Variants in TRAPPC8 observed in about 807,000 individuals in gnomAD.
TRAPPC8 encodes general sporulation gene 1 homolog.
A neutral mutation model predicts 174.3 loss-of-function variants in TRAPPC8; 54 were observed. That is an observed-to-expected ratio of 0.31 (90% confidence interval 0.25 to 0.39). The LOEUF (loss-of-function observed/expected upper bound fraction) is 0.39, where lower values mean the gene tolerates loss of function less well. TRAPPC8 is among the 10% of genes least tolerant of loss of function. The probability of loss-of-function intolerance (pLI) is 1.00; values close to 1 mark genes in which losing one functional copy is unlikely to be tolerated. For synonymous variants in TRAPPC8, 630 were observed against 579.9 expected, an observed-to-expected ratio of 1.09 and a Z score of -1.24; for missense variants, 1,531 against 1,699.1, an observed-to-expected ratio of 0.90 and a Z score of 1.74.
chr18:31,877,952 T>A (rs527950653), intron 12 of TRAPPC8, among the ~76,000 whole-genome samples: 1 of 146,986 alleles, frequency 6.8e-6, no homozygotes, highest in Admixed American at 6.8e-5. Flanking sequence ...AGTGACCCCA[T>A]GCCAACTGGG....
At chr18:31,936,731 G>A (rs554906176) in intron 1 of TRAPPC8, among the ~76,000 whole-genome samples, 3 of 151,382 alleles carry the variant, frequency 2.0e-5, no homozygotes, top group African/African-American at 7.3e-5. Flanking sequence ...GCAAAACCCT[G>A]TCTCTACTAA....
intron 24 of TRAPPC8, 40 bp from the exon 25 acceptor site, chr18:31,849,779 ATTATG>A: frequency 6.6e-7 from 1 of 1,517,898 alleles, no homozygotes; most frequent in Non-Finnish European, 8.8e-7. Flanking sequence ...AATGCTTTTA[ATTATG>A]TTGTCAAAAT....
At chr18:31,912,927 A>C (rs1237320366) in intron 5 of TRAPPC8, among the ~76,000 whole-genome samples, 2 of 152,158 alleles carry the variant, frequency 1.3e-5, no homozygotes, top group African/African-American at 4.8e-5. Flanking sequence ...CAGGAGTTCA[A>C]GACTAGCCTG....
chr18:31,930,313 T>C (rs767009351), intron 2 of TRAPPC8, among the ~76,000 whole-genome samples: 16 of 151,912 alleles, frequency 1.1e-4, no homozygotes, highest in Non-Finnish European at 2.1e-4. Flanking sequence ...AGAGACGGGG[T>C]TTCACTATGT....
chr18:31,859,410 A>T (rs2034207356), intron 19 of TRAPPC8, among the ~76,000 whole-genome samples: 1 of 152,224 alleles, frequency 6.6e-6, no homozygotes, highest in Non-Finnish European at 1.5e-5. Flanking sequence ...AATAAGCTAG[A>T]CATAGCATTA....
At chr18:31,856,021 C>CT (rs1001228113) in intron 20 of TRAPPC8, among the ~76,000 whole-genome samples, 1 of 152,154 alleles carries the variant, frequency 6.6e-6, no homozygotes, top group Non-Finnish European at 1.5e-5. Context: ...GTCTCCCTGT[C>CT]TAAGTTTTTG....
At chr18:31,916,499 T>C (rs998724915) in intron 3 of TRAPPC8, 53 bp from the exon 4 acceptor site, 48 of 1,505,416 alleles carry the variant, frequency 3.2e-5, no homozygotes, top group South Asian at 5.3e-5. Context: ...ATGATAAATA[T>C]TGTCCTACTG....
At chr18:31,855,137 G>C (rs1330560236) in intron 21 of TRAPPC8, among the ~76,000 whole-genome samples, 1 of 152,056 alleles carries the variant, frequency 6.6e-6, no homozygotes, top group Non-Finnish European at 1.5e-5. Flanking sequence ...AGGAGGTGGA[G>C]GTTACAGTGA....
At chr18:31,904,008 G>A (rs1461723205) in intron 9 of TRAPPC8, among the ~76,000 whole-genome samples, 1 of 152,214 alleles carries the variant, frequency 6.6e-6, no homozygotes, top group Non-Finnish European at 1.5e-5. Context: ...GGCCAAGGCA[G>A]GGAGAATGCT....
At position 31,910,243 on chromosome 18, in the gene TRAPPC8, C is replaced by G. The variant is rs142909168; in HGVS notation, c.772-483G>C. ...TGTTTTAGAAAAATATCTAACGCAA[C>G]GTTTATTTGTGCAAAGGAACTGGTT... is the stretch of plus-strand genomic sequence containing the variant. On this transcript the variant is annotated intron_variant, in intron 5 of 28. Transcript: ENST00000283351. Among the ~76,000 whole-genome samples the G allele has an allele frequency of 7.3e-4, 111 of 152,068 alleles. 2 individuals carry two copies. The highest frequency in any genetic ancestry group is 3.4e-3 in the Middle Eastern group (1 of 294).
chr18:31,842,090 C>G (rs2033132797), intron 26 of TRAPPC8, among the ~76,000 whole-genome samples: 1 of 152,180 alleles, frequency 6.6e-6, no homozygotes. Context: ...AAATACAAGA[C>G]TAGTATACCC....
Position 31,874,666 on chromosome 18 carries a change from T to C in TRAPPC8, c.1767A>G (p.Gln589=), listed in dbSNP as rs538289737. The part of the protein sequence containing the change: ...HALRCYCQAM[Q]VYKGKGWSLA... ...GAGACCAGCCTTTTCCTTTGTAAAC[T>C]TGCATGGCTTGACAATAACAGCGTA... The change falls in exon 13 of 29, where the codon CAA becomes CAG. Residue 589 remains glutamine, a synonymous_variant. Transcript: ENST00000283351. 1.5e-5 allele frequency: 24 copies of C among 1,614,032 alleles called. No individual in the cohort carries two copies. The highest frequency in any genetic ancestry group is 1.9e-5 in the Non-Finnish European group (23 of 1,179,992).
At chr18:31,884,609 CT>C (rs926520324) in intron 12 of TRAPPC8, among the ~76,000 whole-genome samples, 2 of 152,018 alleles carry the variant, frequency 1.3e-5, no homozygotes, top group Admixed American at 6.6e-5. Context: ...CAAGAAAAGG[CT>C]TTTTTTTCAC....
At chr18:31,839,610 A>G (rs2032977133) in intron 26 of TRAPPC8, among the ~76,000 whole-genome samples, 153 bp from the exon 27 acceptor site, 1 of 152,166 alleles carries the variant, frequency 6.6e-6, no homozygotes, top group Non-Finnish European at 1.5e-5. Flanking sequence ...AGCTGCTATC[A>G]TTTGCAGTGT....
At chr18:31,911,850 C>T (rs951987238) in intron 5 of TRAPPC8, among the ~76,000 whole-genome samples, 9 of 139,874 alleles carry the variant, frequency 6.4e-5, no homozygotes, top group Non-Finnish European at 1.2e-4. Flanking sequence ...AAGGCCTGGG[C>T]GACAGAGCGA....
chr18:31,874,976 A>T (rs919907869), intron 12 of TRAPPC8, among the ~76,000 whole-genome samples: 1 of 152,174 alleles, frequency 6.6e-6, no homozygotes, highest in Non-Finnish European at 1.5e-5. Flanking sequence ...CTGCTTTGAC[A>T]TTTACCCACT....
chr18:31,904,234 T>C (rs1425806497), intron 9 of TRAPPC8, among the ~76,000 whole-genome samples: 10 of 137,306 alleles, frequency 7.3e-5, no homozygotes, highest in Admixed American at 2.9e-4. Context: ...AGACCTTGCC[T>C]CCAAAAAAAA....
At chr18:31,887,073 T>G (rs1346036218) in intron 12 of TRAPPC8, among the ~76,000 whole-genome samples, 3 of 152,128 alleles carry the variant, frequency 2.0e-5, no homozygotes, top group Non-Finnish European at 4.4e-5. Flanking sequence ...TTCTCACTCA[T>G]CCCTACCAAT....
chr18:31,879,457 C>T (rs906279569), intron 12 of TRAPPC8, among the ~76,000 whole-genome samples: 1 of 151,968 alleles, frequency 6.6e-6, no homozygotes, highest in South Asian at 2.1e-4. Flanking sequence ...ATATCAATAC[C>T]TCTTGGATAC....
Sources: allele counts gnomAD v4.1 joint callset (sites outside exome capture counted in the v4.1 genomes callset), GRCh38; gene constraint gnomAD v4.1.1; transcripts MANE v1.5; gene names NCBI Gene and HGNC (gene_info 2026-07-23, HGNC 2026-07-21).